PXDNL: variants seen among roughly 807,000 people sequenced by gnomAD.
PXDNL encodes the protein probable oxidoreductase PXDNL.
A neutral mutation model predicts 150.8 loss-of-function variants in PXDNL; 145 were observed. The observed-to-expected ratio is 0.96, with a 90% confidence interval of 0.84 to 1.10. The LOEUF is 1.10. Ranked by LOEUF, PXDNL falls within the 50% of genes least tolerant of loss-of-function variation. PXDNL has a pLI of 0.00. For missense variants in PXDNL, 2,087 were observed against 1,873.9 expected (o/e 1.11, Z -2.10); for synonymous variants, 757 against 725.7 (o/e 1.04, Z -0.69).
chr8:51,670,825 C>T (rs994735246), intron 1 of PXDNL, among the ~76,000 whole-genome samples: 1 of 152,178 alleles, frequency 6.6e-6, no homozygotes, highest in African/African-American at 2.4e-5. Flanking sequence ...GTATTTGGCT[C>T]TGTACTAAGT....
chr8:51,510,537 C>A (rs1811390503), intron 4 of PXDNL, among the ~76,000 whole-genome samples: 1 of 152,048 alleles, frequency 6.6e-6, no homozygotes, highest in South Asian at 2.1e-4. Context: ...GGGCATAGGA[C>A]AAAGCATACA....
intron 1 of PXDNL, among the ~76,000 whole-genome samples, chr8:51,808,313 G>T (rs1031556422): frequency 6.6e-6 from 1 of 152,088 alleles, no homozygotes; most frequent in African/African-American, 2.4e-5. Flanking sequence ...TCTTTAGTCT[G>T]CATCTTTCAG....
At chr8:51,468,379 T>A (rs1029166674) in intron 8 of PXDNL, among the ~76,000 whole-genome samples, 1 of 151,986 alleles carries the variant, frequency 6.6e-6, no homozygotes, top group African/African-American at 2.4e-5. Flanking sequence ...TTAAGTATGA[T>A]CTAATGATTT....
chr8:51,756,405 A>G (rs555842440), intron 1 of PXDNL, among the ~76,000 whole-genome samples: 21 of 151,648 alleles, frequency 1.4e-4, no homozygotes, highest in Admixed American at 6.6e-4. Context: ...AAAAAAAAAA[A>G]AAGGAAAGAA....
intron 1 of PXDNL, among the ~76,000 whole-genome samples, chr8:51,736,468 T>A (rs1433065571): frequency 6.6e-6 from 1 of 152,192 alleles, no homozygotes; most frequent in Non-Finnish European, 1.5e-5. Flanking sequence ...GCCATACACC[T>A]TATGGTTCAA....
At chr8:51,807,226 TG>T (rs2037687181) in intron 1 of PXDNL, among the ~76,000 whole-genome samples, 1 of 152,202 alleles carries the variant, frequency 6.6e-6, no homozygotes, top group African/African-American at 2.4e-5. Context: ...GCTTGGCTTC[TG>T]GGGAGGCCTC....
At chr8:51,337,949 C>T (rs1057292221) in intron 21 of PXDNL, among the ~76,000 whole-genome samples, 1 of 149,336 alleles carries the variant, frequency 6.7e-6, no homozygotes, top group Admixed American at 6.7e-5. Flanking sequence ...GAGGTCGAAG[C>T]GGGCAGATGA....
In PXDNL at chr8:51,409,440, G is replaced by A. The variant is rs746553805; in HGVS notation, c.2184C>T (p.Arg728=). 2.5e-6 allele frequency: 4 copies of A among 1,612,604 alleles called. No individual in the cohort carries two copies. The South Asian group carries it at 4.4e-5, about 18-fold the overall frequency. ...CSNRCFHAKY[R]AHDGTCNNLQ... ...GGTTGTTGCACGTGCCGTCGTGGGC[G>A]CGGTACTTCGCATGGAAACACCGGT... The change falls in exon 17 of 23, where the codon CGC becomes CGT. Residue 728 remains arginine (R), a synonymous_variant. Transcript: ENST00000356297.
intron 1 of PXDNL, among the ~76,000 whole-genome samples, chr8:51,658,124 C>T (rs551299985): frequency 6.6e-6 from 1 of 152,010 alleles, no homozygotes; most frequent in Non-Finnish European, 1.5e-5. Flanking sequence ...CAGGAGGACC[C>T]TTGAGCACAG....
At chr8:51,462,999 T>C (rs1344881398) in intron 8 of PXDNL, among the ~76,000 whole-genome samples, 1 of 152,132 alleles carries the variant, frequency 6.6e-6, no homozygotes, top group Non-Finnish European at 1.5e-5. Flanking sequence ...AGAAAAGAAA[T>C]TCCAACCAAG....
intron 4 of PXDNL, among the ~76,000 whole-genome samples, chr8:51,543,883 A>G (rs1487353003): frequency 1.3e-5 from 2 of 152,334 alleles, no homozygotes. Flanking sequence ...ATTGGCAAGG[A>G]TAATCAATAA....
intron 4 of PXDNL, among the ~76,000 whole-genome samples, chr8:51,531,523 T>C (rs983987784): frequency 2.6e-5 from 4 of 152,150 alleles, no homozygotes; most frequent in African/African-American, 4.8e-5. Context: ...CTGAATGAGA[T>C]GGGCTCAGGC....
At chr8:51,472,150 A>G in intron 8 of PXDNL, 37 bp downstream of exon 8, 1 of 1,324,234 alleles carries the variant, frequency 7.6e-7, no homozygotes, top group Non-Finnish European at 1.1e-6. Context: ...TGGAATCAGA[A>G]GGAGAATCAC....
intron 4 of PXDNL, among the ~76,000 whole-genome samples, chr8:51,542,585 A>T (rs772056357): frequency 3.2e-4 from 49 of 152,066 alleles, no homozygotes; most frequent in Non-Finnish European, 5.9e-4. Flanking sequence ...GAAGCAGATG[A>T]ATCACATGAG....
At chr8:51,560,248 C>T (rs1362223722) in intron 3 of PXDNL, among the ~76,000 whole-genome samples, 3 of 151,870 alleles carry the variant, frequency 2.0e-5, no homozygotes, top group Non-Finnish European at 2.9e-5. Context: ...TCAAAGTGAT[C>T]TAAAAATTTA....
chr8:51,474,901 T>A (rs1345859653), intron 7 of PXDNL, 71 bp downstream of exon 7: 1 of 1,301,532 alleles, frequency 7.7e-7, no homozygotes, highest in Non-Finnish European at 1.0e-6. Context: ...CAATATTATA[T>A]AATAAACCTT....
chr8:51,533,258 C>A (rs1168381332), intron 4 of PXDNL, among the ~76,000 whole-genome samples: 1 of 152,104 alleles, frequency 6.6e-6, no homozygotes, highest in Admixed American at 6.5e-5. Context: ...TCAAGTGATT[C>A]TCCTGCCTTA....
intron 4 of PXDNL, among the ~76,000 whole-genome samples, chr8:51,542,691 T>A (rs1181220227): frequency 6.6e-6 from 1 of 151,650 alleles, no homozygotes; most frequent in Admixed American, 6.6e-5. Flanking sequence ...GCGCCTGTAA[T>A]CCCAGCTACT....
chr8:51,615,838 G>A (rs1310296749), intron 2 of PXDNL, among the ~76,000 whole-genome samples: 1 of 152,138 alleles, frequency 6.6e-6, no homozygotes, highest in African/African-American at 2.4e-5. Flanking sequence ...TACATTCCTT[G>A]CTCCTCAGTG....
Sources: gnomAD v4.1 joint callset for allele counts (sites outside exome capture counted in the v4.1 genomes callset) on GRCh38, gnomAD v4.1.1 for gene constraint, MANE v1.5 for transcripts, NCBI Gene and HGNC (gene_info 2026-07-23, HGNC 2026-07-21) for gene names.